Variants in BNC2 observed in about 807,000 individuals in gnomAD.
The protein encoded by BNC2 is basonuclin zinc finger protein 2.
Under a neutral mutation model 76.3 loss-of-function variants are expected in BNC2, and 20 were observed. The ratio of observed to expected loss-of-function variants is 0.26; its 90% CI spans 0.18 to 0.38. The LOEUF (loss-of-function observed/expected upper bound fraction) is 0.38. Among genes scored for constraint, BNC2 ranks in the 10% least tolerant of loss-of-function variants. The pLI is 1.00. For synonymous variants in BNC2, 582 were observed against 514.8 expected (o/e 1.13, Z -1.77); for missense variants, 1,382 against 1,399.8 (o/e 0.99, Z 0.20).
Position 16,525,293 on chromosome 9 carries a change from A to G in BNC2, c.669+27237T>C, listed in dbSNP as rs138016286. ...CAACTACGCAACAAAAACAAATGAAAAGCAAAAGCAAAAACAAGGTAAAGA... is the reference window on the plus strand; with the variant it reads ...CAACTACGCAACAAAAACAAATGAAGAGCAAAAGCAAAAACAAGGTAAAGA... On this transcript the variant is annotated intron_variant, in intron 5 of 6. Transcript: ENST00000380672. Among the ~76,000 whole-genome samples the G allele has an allele frequency of 8.5e-3, 1,295 of 152,306 alleles. 6 individuals carry two copies. Among genetic ancestry groups the G allele is most frequent in the Non-Finnish European group, 0.014 (974 of 68,032 alleles).
At chr9:16,643,262 C>T (rs1285729764) in intron 3 of BNC2, among the ~76,000 whole-genome samples, 9 of 146,050 alleles carry the variant, frequency 6.2e-5, no homozygotes, top group East Asian at 2.0e-4. Flanking sequence ...GCCAAGATCA[C>T]GACAATGCAC....
At chr9:16,443,684 G>A (rs770789637) in intron 5 of BNC2, among the ~76,000 whole-genome samples, 13 of 152,070 alleles carry the variant, frequency 8.5e-5, no homozygotes, top group Non-Finnish European at 1.8e-4. Context: ...CTAAGCTACC[G>A]ACTACAACAT....
At chr9:16,638,565 G>A (rs1039312480) in intron 3 of BNC2, among the ~76,000 whole-genome samples, 1 of 151,990 alleles carries the variant, frequency 6.6e-6, no homozygotes, top group East Asian at 1.9e-4. Flanking sequence ...GTTCTCCCCT[G>A]TACCCCTCAA....
chr9:16,440,996 A>G lies in BNC2; in HGVS notation c.670-3472T>C, dbSNP rs186647985. ...ACATAGCTCTATAACACCAAACTAG[A>G]GTCCCCTTGATAGTGCCATAGGTGT... On this transcript the variant is annotated intron_variant, in intron 5 of 6. Coordinates refer to ENST00000380672, the MANE Select transcript of BNC2 (RefSeq NM_017637.6). 3.2e-3 allele frequency among the ~76,000 whole-genome samples: 480 copies of G among 152,358 alleles called. 3 individuals carry two copies. The highest frequency in any genetic ancestry group is 5.7e-3 in the Non-Finnish European group (389 of 68,032).
At chr9:16,859,810 G>A (rs941299802) in intron 1 of BNC2, among the ~76,000 whole-genome samples, 2 of 152,198 alleles carry the variant, frequency 1.3e-5, no homozygotes, top group African/African-American at 4.8e-5. Context: ...AAACACTACT[G>A]AACTGTACAC....
chr9:16,563,290 G>C (rs547144137), intron 4 of BNC2, among the ~76,000 whole-genome samples: 1 of 152,092 alleles, frequency 6.6e-6, no homozygotes, highest in African/African-American at 2.4e-5. Flanking sequence ...GGTATACAGG[G>C]ATAAACAACA....
intron 5 of BNC2, among the ~76,000 whole-genome samples, chr9:16,457,368 T>C (rs926571841): frequency 5.3e-5 from 8 of 152,100 alleles, no homozygotes; most frequent in Admixed American, 1.3e-4. Flanking sequence ...GTCCCAGGAT[T>C]GCGAGACTCA....
chr9:16,502,006 C>T (rs866593104), intron 5 of BNC2, among the ~76,000 whole-genome samples: 1 of 152,054 alleles, frequency 6.6e-6, no homozygotes. Context: ...GACTGCTAGT[C>T]CCAAGAAAAA....
intron 4 of BNC2, among the ~76,000 whole-genome samples, chr9:16,574,845 A>C (rs916962573): frequency 6.6e-6 from 1 of 152,152 alleles, no homozygotes; most frequent in Admixed American, 6.6e-5. Flanking sequence ...ATGCATTGCT[A>C]TTATTATCCG....
chr9:16,436,230 T>A lies in BNC2; in HGVS notation c.1964A>T (p.Asp655Val). 8 of 1,614,160 alleles carry A rather than the reference T, an allele frequency of 5.0e-6. No individual in the cohort carries two copies. Among genetic ancestry groups the A allele is most frequent in the Non-Finnish European group, 6.8e-6 (8 of 1,180,024 alleles). ...ACCATCATTGGGGTCATCATCTTCA[T>A]CATCAAACTCATCGGCGGTATCAAT... ...EIIDTADEFD[D>V]EDDDPNDGGA... is the part of the protein sequence containing the mutation. The change falls in exon 6 of 7, where the codon GAT becomes GTT. Residue 655 changes from aspartate (D) to valine (V), a missense_variant. By Grantham distance (152) the Asp-to-Val change is radical (BLOSUM62 -3). This residue lies in a region of BNC2 where 798 missense variants were observed against 775.5 expected (regional missense o/e 1.03). Transcript: ENST00000380672.
chr9:16,789,820 G>A (rs940709446), intron 1 of BNC2, among the ~76,000 whole-genome samples: 1 of 152,198 alleles, frequency 6.6e-6, no homozygotes, highest in South Asian at 2.1e-4. Flanking sequence ...CTGGCACACT[G>A]CAGACACTCA....
chr9:16,725,899 A>G (rs1257552427), intron 3 of BNC2, among the ~76,000 whole-genome samples: 1 of 152,166 alleles, frequency 6.6e-6, no homozygotes, highest in Non-Finnish European at 1.5e-5. Context: ...GTGGTTCAAT[A>G]GCCATTTATC....
At chr9:16,762,772 A>T (rs1227945700) in intron 1 of BNC2, among the ~76,000 whole-genome samples, 1 of 152,196 alleles carries the variant, frequency 6.6e-6, no homozygotes, top group Non-Finnish European at 1.5e-5. Flanking sequence ...TTCTGAGATG[A>T]CTGTTTAGCA....
intron 4 of BNC2, among the ~76,000 whole-genome samples, chr9:16,581,594 A>G (rs1420383269): frequency 6.6e-6 from 1 of 152,160 alleles, no homozygotes; most frequent in Non-Finnish European, 1.5e-5. Flanking sequence ...AACCCTGCCA[A>G]CACTTTGATC....
intron 3 of BNC2, among the ~76,000 whole-genome samples, chr9:16,661,714 A>C (rs1232255370): frequency 1.3e-5 from 2 of 152,172 alleles, no homozygotes. Flanking sequence ...ATTTGTTGTG[A>C]GAACATTCCT....
At chr9:16,784,496 T>C (rs1826230158) in intron 1 of BNC2, among the ~76,000 whole-genome samples, 1 of 152,134 alleles carries the variant, frequency 6.6e-6, no homozygotes, top group Non-Finnish European at 1.5e-5. Flanking sequence ...ACAATATGGA[T>C]AGGACACAAT....
At chr9:16,822,311 C>G (rs1818356400) in intron 1 of BNC2, among the ~76,000 whole-genome samples, 1 of 151,980 alleles carries the variant, frequency 6.6e-6, no homozygotes, top group African/African-American at 2.4e-5. Flanking sequence ...CTCCTATTAC[C>G]CTAATACATA....
At chr9:16,491,232 T>A (rs564823105) in intron 5 of BNC2, among the ~76,000 whole-genome samples, 1 of 152,114 alleles carries the variant, frequency 6.6e-6, no homozygotes, top group East Asian at 1.9e-4. Context: ...CTGCTGAGAA[T>A]GGGATTTGTG....
At chr9:16,656,324 G>A (rs139081684) in intron 3 of BNC2, among the ~76,000 whole-genome samples, 11 of 152,134 alleles carry the variant, frequency 7.2e-5, no homozygotes, top group African/African-American at 2.2e-4. Context: ...ACAAAGGGAC[G>A]ACAATGGGGC....
Sources: allele counts gnomAD v4.1 joint callset (sites outside exome capture counted in the v4.1 genomes callset), GRCh38; gene constraint gnomAD v4.1.1; regional missense constraint gnomAD v4.1.1; transcripts MANE v1.5; gene names NCBI Gene and HGNC (gene_info 2026-07-23, HGNC 2026-07-21).